Variants in TMCC3 observed in about 807,000 individuals in gnomAD.
TMCC3 encodes transmembrane and coiled-coil domain protein 3.
TMCC3 carries 28 observed loss-of-function variants against 40.2 expected under a neutral mutation model. That is an observed-to-expected ratio of 0.70 (90% confidence interval 0.52 to 0.95). TMCC3 has a LOEUF of 0.95. TMCC3 is among the 40% of genes least tolerant of loss of function. The pLI is 0.00. For synonymous variants in TMCC3, 255 were observed against 248.5 expected (o/e 1.03, Z -0.25); for missense variants, 554 against 615.2 (o/e 0.90, Z 1.05).
intron 1 of TMCC3, among the ~76,000 whole-genome samples, chr12:94,646,756 A>T (rs991210634): frequency 1.6e-4 from 19 of 119,204 alleles, no homozygotes; most frequent in Admixed American, 4.7e-4. Context: ...TTTTTTTTAA[A>T]AAACAAATAC....
Position 94,571,720 on chromosome 12 carries a change from G to T in TMCC3, c.1149C>A (p.Cys383Ter). 1 of 1,613,972 alleles carries T rather than the reference G, an allele frequency of 6.2e-7. No individual in the cohort carries two copies. Among genetic ancestry groups the T allele is most frequent in the Non-Finnish European group, 8.5e-7 (1 of 1,179,944 alleles). Residue 383 changes from cysteine to a stop codon, truncating the protein, a stop_gained, in exon 4 of 4, where the codon TGC becomes TGA. Coordinates refer to ENST00000261226, the MANE Select transcript of TMCC3 (RefSeq NM_020698.4). LOFTEE classifies it high-confidence loss of function. ...SRDIQEALES[C>*]QTRISKLELH... is the part of the protein sequence containing the mutation. Reference sequence around the variant, plus strand: ...GCTCCAGCTTAGAAATGCGAGTCTGGCAGGATTCCAAGGCTTCCTGTGAGC... The same window carrying T: ...GCTCCAGCTTAGAAATGCGAGTCTGTCAGGATTCCAAGGCTTCCTGTGAGC...
chr12:94,599,310 C>T (rs548976997), intron 1 of TMCC3, among the ~76,000 whole-genome samples: 9 of 152,234 alleles, frequency 5.9e-5, no homozygotes, highest in Non-Finnish European at 1.0e-4. Flanking sequence ...CTTCAGAAGA[C>T]TCCAGAGCCA....
intron 1 of TMCC3, among the ~76,000 whole-genome samples, chr12:94,621,994 T>A (rs564709752): frequency 1.1e-4 from 16 of 152,222 alleles, no homozygotes; most frequent in Non-Finnish European, 1.8e-4. Context: ...GTACATTTCA[T>A]AGAAAAGTAA....
chr12:94,595,314 T>C (rs1164156457), intron 1 of TMCC3, among the ~76,000 whole-genome samples: 1 of 152,182 alleles, frequency 6.6e-6, no homozygotes, highest in Non-Finnish European at 1.5e-5. Flanking sequence ...AGCATTCCTA[T>C]GTTTAATAGG....
At chr12:94,588,657 G>A (rs142642207) in intron 1 of TMCC3, among the ~76,000 whole-genome samples, 54 of 152,254 alleles carry the variant, frequency 3.5e-4, no homozygotes, top group Non-Finnish European at 5.9e-4. Context: ...ACAAGTCTTC[G>A]TGGCCTTGGT....
chr12:94,606,504 CTACAGGTG>C (rs1049737153), intron 1 of TMCC3, among the ~76,000 whole-genome samples: 5 of 151,732 alleles, frequency 3.3e-5, no homozygotes, highest in African/African-American at 1.2e-4. Context: ...GTATGTGGGA[CTACAGGTG>C]TACACCACCA....
rs111454646 is a variant in TMCC3 at position 94,570,961 on chromosome 12, C to T, written c.*474G>A. ...CTGGAGAGAAGCAGGGTGGATCACA[C>T]GGGGACCATAGGCCACAGTGTTTAA... On this transcript the variant is annotated 3_prime_UTR_variant, in exon 4 of 4. Coordinates refer to ENST00000261226, the MANE Select transcript of TMCC3 (RefSeq NM_020698.4). The T allele has an allele frequency of 4.1e-5, 7 of 171,430 alleles. No individual in the cohort carries two copies. The highest frequency in any genetic ancestry group is 1.4e-4 in the African/African-American group (6 of 41,674). 10.6% of individuals were successfully genotyped at this position (171,430 alleles called of 1,614,324 possible). A position where few individuals can be genotyped will look rare whatever the true frequency, so the allele number is the denominator to read the frequency against.
At chr12:94,617,417 G>A (rs777882273) in intron 1 of TMCC3, among the ~76,000 whole-genome samples, 23 of 152,164 alleles carry the variant, frequency 1.5e-4, no homozygotes, top group Non-Finnish European at 2.4e-4. Flanking sequence ...TCTCACCTAA[G>A]GAAATTCCTT....
intron 1 of TMCC3, among the ~76,000 whole-genome samples, chr12:94,630,217 T>G (rs1045369380): frequency 6.7e-6 from 1 of 150,178 alleles, no homozygotes; most frequent in Non-Finnish European, 1.5e-5. Context: ...AACGTGTCGC[T>G]GCACTCCAGC....
At chr12:94,607,866 T>C (rs1403412115) in intron 1 of TMCC3, among the ~76,000 whole-genome samples, 1 of 152,232 alleles carries the variant, frequency 6.6e-6, no homozygotes, top group Non-Finnish European at 1.5e-5. Flanking sequence ...TTATGAAGTC[T>C]CTCATTCAAC....
Position 94,597,328 on chromosome 12 carries a change from G to GA in TMCC3, c.79-14791dup, listed in dbSNP as rs201406095. On this transcript the variant is annotated intron_variant, in intron 1 of 3. Coordinates refer to ENST00000261226, the MANE Select transcript of TMCC3 (RefSeq NM_020698.4). ...AGACTCTGTCTCTAAGAAAGAAAAA[G>GA]AAAAAAAAATTAAGATCTCCCACGT... Among the ~76,000 whole-genome samples, 415 of 148,848 alleles carry GA rather than the reference G, an allele frequency of 2.8e-3. 9 individuals carry two copies. The highest frequency in any genetic ancestry group is 0.026 in the Admixed American group (385 of 14,980).
intron 1 of TMCC3, among the ~76,000 whole-genome samples, chr12:94,635,579 C>T (rs980855410): frequency 6.6e-6 from 1 of 151,572 alleles, no homozygotes; most frequent in Non-Finnish European, 1.5e-5. Flanking sequence ...CAAAACTTTG[C>T]TATCTTTTCC....
chr12:94,574,456 TCTAA>T (rs938733789), intron 3 of TMCC3, among the ~76,000 whole-genome samples: 27 of 152,008 alleles, frequency 1.8e-4, no homozygotes, highest in African/African-American at 6.5e-4. Context: ...GTGAAAAGGA[TCTAA>T]CTAGAGGTAG....
intron 1 of TMCC3, among the ~76,000 whole-genome samples, chr12:94,600,048 AAGAG>A (rs1367835082): frequency 1.3e-5 from 2 of 151,594 alleles, no homozygotes; most frequent in South Asian, 2.1e-4. Context: ...GTGGTGGGGG[AAGAG>A]AGAGAGAGGG....
At chr12:94,624,221 G>C (rs1283270742) in intron 1 of TMCC3, among the ~76,000 whole-genome samples, 1 of 152,140 alleles carries the variant, frequency 6.6e-6, no homozygotes, top group Non-Finnish European at 1.5e-5. Flanking sequence ...AAAACACTCT[G>C]GCAGTTCCTC....
chr12:94,618,399 T>TCA (rs1280849634), intron 1 of TMCC3, among the ~76,000 whole-genome samples: 1 of 152,246 alleles, frequency 6.6e-6, no homozygotes, highest in Non-Finnish European at 1.5e-5. Flanking sequence ...TATACCTACC[T>TCA]CACATTCTGT....
chr12:94,646,833 C>A (rs1455671176), intron 1 of TMCC3, among the ~76,000 whole-genome samples: 1 of 149,594 alleles, frequency 6.7e-6, no homozygotes, highest in African/African-American at 2.5e-5. Context: ...AGATGGGAAA[C>A]TGGAGGCTCA....
chr12:94,590,814 C>T, intron 1 of TMCC3: 1 of 495,278 alleles, frequency 2.0e-6, no homozygotes, highest in South Asian at 1.8e-5. Context: ...GGCGCAGGGT[C>T]TGAAACATGG....
intron 1 of TMCC3, among the ~76,000 whole-genome samples, chr12:94,638,972 A>T (rs1330348793): frequency 6.6e-6 from 1 of 150,506 alleles, no homozygotes. Flanking sequence ...GCCTACATAC[A>T]CATCTTAATT....
Sources: allele counts gnomAD v4.1 joint callset (sites outside exome capture counted in the v4.1 genomes callset), GRCh38; gene constraint gnomAD v4.1.1; transcripts MANE v1.5; gene names NCBI Gene and HGNC (gene_info 2026-07-23, HGNC 2026-07-21).